ADAMTS12: variants seen among roughly 807,000 people sequenced by gnomAD.
ADAMTS12 encodes the protein A disintegrin and metalloproteinase with thrombospondin motifs 12.
Under a neutral mutation model 167.8 loss-of-function variants are expected in ADAMTS12, and 118 were observed. That is an observed-to-expected ratio of 0.70 (90% CI 0.61 to 0.82). ADAMTS12 has a LOEUF of 0.82. Among genes scored for constraint, ADAMTS12 ranks in the 40% least tolerant of loss-of-function variants. ADAMTS12 has a pLI of 0.00. For missense variants in ADAMTS12, 1,916 were observed against 1,998.8 expected (o/e 0.96, Z 0.79); for synonymous variants, 704 against 716.9 (o/e 0.98, Z 0.29).
rs759154785 is a variant in ADAMTS12 at position 33,577,026 on chromosome 5, C to G, written c.3000G>C (p.Arg1000=). The stretch of plus-strand genomic sequence containing the variant: ...TGCCTTTGTTTGGTTTCAGAACTCT[C>G]CGGCTAGAAGGGCATTGCTGGAGGC... ...LCGLQQCPSS[R]RVLKPNKGTI... The change falls in exon 19 of 24, where the codon CGG becomes CGC. Residue 1000 remains arginine, a synonymous_variant. Coordinates refer to ENST00000504830, the MANE Select transcript of ADAMTS12 (RefSeq NM_030955.4). 16 of 1,614,018 alleles carry G rather than the reference C, an allele frequency of 9.9e-6. No individual in the cohort carries two copies. The highest frequency in any genetic ancestry group is 1.1e-5 in the Non-Finnish European group (13 of 1,180,012).
intron 7 of ADAMTS12, among the ~76,000 whole-genome samples, chr5:33,656,522 G>A (rs1741067910): frequency 6.6e-6 from 1 of 152,210 alleles, no homozygotes; most frequent in Non-Finnish European, 1.5e-5. Flanking sequence ...AGATCAGGTT[G>A]AACTTGAGGA....
At chr5:33,534,739 A>G (rs1744288054) in intron 23 of ADAMTS12, 94 bp downstream of exon 23, 2 of 1,461,126 alleles carry the variant, frequency 1.4e-6, no homozygotes, top group South Asian at 1.4e-5. Context: ...TTTTCTATTC[A>G]GTAAAAGAAA....
chr5:33,716,749 A>C (rs1189817457), intron 3 of ADAMTS12, among the ~76,000 whole-genome samples: 1 of 152,142 alleles, frequency 6.6e-6, no homozygotes, highest in African/African-American at 2.4e-5. Flanking sequence ...GTTTTCTAGC[A>C]ATGATGGATC....
chr5:33,564,744 C>A (rs1745928146), intron 19 of ADAMTS12, among the ~76,000 whole-genome samples: 1 of 152,158 alleles, frequency 6.6e-6, no homozygotes, highest in Non-Finnish European at 1.5e-5. Flanking sequence ...GGACTTTTAT[C>A]ATTCATGCCT....
Position 33,767,316 on chromosome 5 carries a change from T to A in ADAMTS12, c.490-15768A>T, listed in dbSNP as rs114351354. Among the ~76,000 whole-genome samples, 1,305 of 152,334 alleles carry A rather than the reference T, an allele frequency of 8.6e-3. 18 individuals are homozygous for A. The highest frequency in any genetic ancestry group is 0.03 in the African/African-American group (1,239 of 41,590). ...TCTTCTATACTTTCAGTAAAAATTC[T>A]GAACTTGCCACATCAGATATATATT... On this transcript the variant is annotated intron_variant, in intron 2 of 23. Transcript: ENST00000504830.
At chr5:33,594,001 AATC>A (rs1371935271) in intron 17 of ADAMTS12, among the ~76,000 whole-genome samples, 3 of 152,206 alleles carry the variant, frequency 2.0e-5, no homozygotes, top group African/African-American at 7.2e-5. Context: ...GCTAAAATGC[AATC>A]ATAAATAAAA....
At chr5:33,540,854 A>G (rs1744659888) in intron 22 of ADAMTS12, among the ~76,000 whole-genome samples, 1 of 152,352 alleles carries the variant, frequency 6.6e-6, no homozygotes, top group South Asian at 2.1e-4. Context: ...AGACCAAAAT[A>G]GGTAAAACCA....
In ADAMTS12 at chr5:33,875,520, A is replaced by G. The variant is rs576175477; in HGVS notation, c.489+5599T>C. On this transcript the variant is annotated intron_variant, in intron 2 of 23. Coordinates refer to ENST00000504830, the MANE Select transcript of ADAMTS12 (RefSeq NM_030955.4). ...AAAATAAACACTTTTTAAAAAATTA[A>G]TCAATATAGTCCATCATATTAATAG... Among the ~76,000 whole-genome samples, 110 of 152,344 alleles carry G rather than the reference A, an allele frequency of 7.2e-4. No homozygotes were observed. The South Asian group carries it at 0.018, about 24-fold the overall frequency.
At chr5:33,849,366 AATATATATATGTATTGCACAGCAAT>A (rs1749105495) in intron 2 of ADAMTS12, among the ~76,000 whole-genome samples, 7 of 115,722 alleles carry the variant, frequency 6.0e-5, no homozygotes, top group East Asian at 2.9e-4. Context: ...ATTGAATAGC[AATATATATATGTATTGCACAGCAAT>A]ATATATATAT....
chr5:33,656,871 C>G (rs1741080686), intron 7 of ADAMTS12, among the ~76,000 whole-genome samples: 1 of 152,172 alleles, frequency 6.6e-6, no homozygotes, highest in African/African-American at 2.4e-5. Flanking sequence ...ATGGCCAGCT[C>G]CCCTGCATCC....
Position 33,643,468 on chromosome 5 carries a change from G to A in ADAMTS12, c.1482C>T (p.Asn494=), listed in dbSNP as rs751105630. ...PNATFCQEVE[N]VCQTLWCSVK... Reference sequence around the variant, plus strand: ...CGGAGCACCACAGTGTCTGGCAGACGTTCTAGAAAACAAATTGCACTTCTT... The same window carrying A: ...CGGAGCACCACAGTGTCTGGCAGACATTCTAGAAAACAAATTGCACTTCTT... The change falls in exon 10 of 24, where the codon AAC becomes AAT. Residue 494 remains asparagine (N), a splice_region_variant and synonymous_variant. Transcript: ENST00000504830. 3.2e-5 allele frequency: 52 copies of A among 1,613,800 alleles called. No individual in the cohort carries two copies. Among genetic ancestry groups the A allele is most frequent in the East Asian group, 1.8e-4 (8 of 44,862 alleles).
In ADAMTS12 at chr5:33,749,765, A is replaced by T. The variant is rs541110548; in HGVS notation, c.634+1639T>A. On this transcript the variant is annotated intron_variant, in intron 3 of 23. Coordinates refer to ENST00000504830, the MANE Select transcript of ADAMTS12 (RefSeq NM_030955.4). ...ATATGCCCTAATAGGGGGCCATGATAGTTGTAAACCCCACTCTTTTCTTAT... is the reference window on the plus strand; with the variant it reads ...ATATGCCCTAATAGGGGGCCATGATTGTTGTAAACCCCACTCTTTTCTTAT... 3.3e-5 allele frequency among the ~76,000 whole-genome samples: 5 copies of T among 152,314 alleles called. No homozygotes were observed. The South Asian group carries it at 1.0e-3, about 32-fold the overall frequency.
chr5:33,689,073 A>G (rs954622557), intron 3 of ADAMTS12, among the ~76,000 whole-genome samples: 4 of 152,154 alleles, frequency 2.6e-5, no homozygotes, highest in African/African-American at 4.8e-5. Flanking sequence ...GAAACATGAC[A>G]CCTGGGCAGC....
intron 3 of ADAMTS12, among the ~76,000 whole-genome samples, chr5:33,695,485 T>C (rs4866370): frequency 0.22 from 34,099 of 152,108 alleles, 3,970 homozygotes; most frequent in East Asian, 0.42. Context: ...ATGTCGTATA[T>C]ACAATACAAT....
chr5:33,775,213 G>T (rs1199637260), intron 2 of ADAMTS12, among the ~76,000 whole-genome samples: 1 of 152,134 alleles, frequency 6.6e-6, no homozygotes, highest in Non-Finnish European at 1.5e-5. Flanking sequence ...TTATCTTAGG[G>T]CTTTGAGCCC....
intron 22 of ADAMTS12, among the ~76,000 whole-genome samples, chr5:33,544,432 T>C (rs1230599169): frequency 2.6e-5 from 4 of 152,126 alleles, no homozygotes; most frequent in Non-Finnish European, 5.9e-5. Context: ...AATGGCCATA[T>C]TGCCCTAGGT....
chr5:33,658,199 T>A lies in ADAMTS12; in HGVS notation c.1175A>T (p.His392Leu). The change falls in exon 7 of 24, where the codon CAT becomes CTT. Residue 392 changes from histidine to leucine, a missense_variant. Coordinates refer to ENST00000504830, the MANE Select transcript of ADAMTS12 (RefSeq NM_030955.4). The stretch of plus-strand genomic sequence containing the variant: ...GGCCCTTTACCTGTGTCCTAGCTCA[T>A]GGGCAATTGTGAAAGCCAGAGGGAG... ...SGLPLAFTIA[H>L]ELGHSFGIQH... 6.2e-7 allele frequency: 1 copy of A among 1,613,568 alleles called. No homozygotes were observed. The highest frequency in any genetic ancestry group is 1.1e-5 in the South Asian group (1 of 91,060).
At chr5:33,664,941 A>G (rs1443906941) in intron 5 of ADAMTS12, among the ~76,000 whole-genome samples, 2 of 152,192 alleles carry the variant, frequency 1.3e-5, no homozygotes, top group Non-Finnish European at 2.9e-5. Flanking sequence ...TACATATCAT[A>G]TATATTCCAT....
At chr5:33,657,268 T>G (rs1313665528) in intron 7 of ADAMTS12, among the ~76,000 whole-genome samples, 1 of 152,182 alleles carries the variant, frequency 6.6e-6, no homozygotes, top group Non-Finnish European at 1.5e-5. Flanking sequence ...CCAGTGTTTT[T>G]TCCAATCCTG....
Sources: allele counts gnomAD v4.1 joint callset (sites outside exome capture counted in the v4.1 genomes callset), GRCh38; gene constraint gnomAD v4.1.1; transcripts MANE v1.5; gene names NCBI Gene and HGNC (gene_info 2026-07-23, HGNC 2026-07-21).